The following TWIST2 variants were observed in gnomAD, a reference collection of about 807,000 sequenced individuals.
TWIST2 encodes the protein twist-related protein 2.
In TWIST2, 1 loss-of-function variant was observed where a neutral mutation model predicts 11.6. The ratio of observed to expected loss-of-function variants is 0.09; its 90% CI spans 0.03 to 0.41. The LOEUF (loss-of-function observed/expected upper bound fraction) is 0.41. Among genes scored for constraint, TWIST2 ranks in the 10% least tolerant of loss-of-function variants. The probability of loss-of-function intolerance (pLI) is 0.98; values close to 1 mark genes in which losing one functional copy is unlikely to be tolerated. For synonymous variants in TWIST2, 87 were observed against 96.6 expected (o/e 0.90, Z 0.58); for missense variants, 168 against 226.4 (o/e 0.74, Z 1.66).
chr2:238,897,720 G>A (rs1232928394), intron 1 of TWIST2, among the ~76,000 whole-genome samples: 1 of 152,248 alleles, frequency 6.6e-6, no homozygotes, highest in Non-Finnish European at 1.5e-5. Context: ...AAAAGACAGT[G>A]CACTGGGGAG....
chr2:238,888,764 T>A (rs1391698407), intron 1 of TWIST2, among the ~76,000 whole-genome samples: 1 of 152,210 alleles, frequency 6.6e-6, no homozygotes, highest in Non-Finnish European at 1.5e-5. Flanking sequence ...GATCCCTAGA[T>A]CTTAGCTCTG....
rs1015881370 is a variant in TWIST2 at position 238,864,204 on chromosome 2, G to A, written c.*35+15471G>A. ...GGGGGGAAGGGGCTGGAGGTGAGGG[G>A]GGACCTCTCGGGCTGTGCCGTGGTA... On this transcript the variant is annotated intron_variant, in intron 1 of 1. Transcript: ENST00000612363. This position sits in a 1 kb window ranked among gnomAD's most constrained non-coding sequence, Gnocchi z 4.7. Among the ~76,000 whole-genome samples, 7 of 151,770 alleles carry A rather than the reference G, an allele frequency of 4.6e-5. No individual in the cohort carries two copies. Among genetic ancestry groups the A allele is most frequent in the African/African-American group, 1.7e-4 (7 of 41,322 alleles).
rs1335080130 is a variant in TWIST2, at chr2:238,863,374, A to G, written c.*35+14641A>G. 6.6e-6 allele frequency among the ~76,000 whole-genome samples: 1 copy of G among 152,206 alleles called. No homozygotes were observed. Among genetic ancestry groups the G allele is most frequent in the Non-Finnish European group, 1.5e-5 (1 of 68,040 alleles). ...TTAAAGATGCCCGTCCATCATTTTC[A>G]GAAGAGGCCTTTCGTGTTAGGATAA... On this transcript the variant is annotated intron_variant, in intron 1 of 1. Transcript: ENST00000612363. This position sits in a 1 kb window ranked among gnomAD's most constrained non-coding sequence, Gnocchi z 4.7.
At chr2:238,896,138 T>G (rs1693203891) in intron 1 of TWIST2, among the ~76,000 whole-genome samples, 1 of 151,772 alleles carries the variant, frequency 6.6e-6, no homozygotes, top group Non-Finnish European at 1.5e-5. Context: ...GAGGCATGAG[T>G]CACGGAGGGG....
Position 238,872,248 on chromosome 2 carries a change from A to C in TWIST2, c.*35+23515A>C, listed in dbSNP as rs189812315. 5.7e-3 allele frequency among the ~76,000 whole-genome samples: 870 copies of C among 152,224 alleles called. 10 individuals carry two copies. Among genetic ancestry groups the C allele is most frequent in the African/African-American group, 0.02 (815 of 41,540 alleles). On this transcript the variant is annotated intron_variant, in intron 1 of 1. Coordinates refer to ENST00000612363, the MANE Select transcript of TWIST2 (RefSeq NM_001271893.4). ...CTTGTTGCTCATTTAACCTTAGTCC[A>C]AGTGGGTGGTGTTCCAGGGTGAGAT... is the stretch of plus-strand genomic sequence containing the variant.
At position 238,863,917 on chromosome 2, in the gene TWIST2, T is replaced by TC. The variant is rs36167678; in HGVS notation, c.*35+15187dup. Among the ~76,000 whole-genome samples, 2 of 152,122 alleles carry TC rather than the reference T, an allele frequency of 1.3e-5. No individual in the cohort carries two copies. The highest frequency in any genetic ancestry group is 4.8e-5 in the African/African-American group (2 of 41,412). ...AGGTCTACCCCCTATCCTGGGGGCA[T>TC]CCCTGTGTGCCAGCTTCTCCAGAAC... On this transcript the variant is annotated intron_variant, in intron 1 of 1. Transcript: ENST00000612363. The surrounding 1 kb of genome is among the most constrained non-coding windows in gnomAD (Gnocchi z 4.7).
chr2:238,859,805 G>C (rs1379690246), intron 1 of TWIST2, among the ~76,000 whole-genome samples: 4 of 152,108 alleles, frequency 2.6e-5, no homozygotes, highest in Admixed American at 1.3e-4. Flanking sequence ...ATGCATGCAC[G>C]CACACGTGTG....
At chr2:238,869,326 C>G (rs184597315) in intron 1 of TWIST2, among the ~76,000 whole-genome samples, 1 of 152,132 alleles carries the variant, frequency 6.6e-6, no homozygotes, top group Non-Finnish European at 1.5e-5. Flanking sequence ...ACTTCCAGGG[C>G]ACAGGCAAGG....
intron 1 of TWIST2, among the ~76,000 whole-genome samples, chr2:238,902,015 GA>G (rs1243092524): frequency 2.0e-5 from 3 of 152,140 alleles, no homozygotes; most frequent in Non-Finnish European, 2.9e-5. Context: ...AGGGGCTGAG[GA>G]AAGGCAGGGA....
chr2:238,901,594 C>T (rs1229427983), intron 1 of TWIST2, among the ~76,000 whole-genome samples: 1 of 152,136 alleles, frequency 6.6e-6, no homozygotes, highest in Non-Finnish European at 1.5e-5. Context: ...TGTGCACTCA[C>T]GCCGATGGGA....
At chr2:238,849,823 C>G (rs867121115) in intron 1 of TWIST2, among the ~76,000 whole-genome samples, 1 of 152,206 alleles carries the variant, frequency 6.6e-6, no homozygotes, top group Admixed American at 6.5e-5. Flanking sequence ...TGTGAGCAGG[C>G]GAGCCCCTCT....
chr2:238,877,884 G>A (rs1297478043), intron 1 of TWIST2, among the ~76,000 whole-genome samples: 3 of 152,186 alleles, frequency 2.0e-5, no homozygotes, highest in African/African-American at 7.2e-5. Context: ...GAGAGGTTTT[G>A]TGCTGCCAGG....
chr2:238,860,876 T>TGCAGTGAGCCGACATCGCG (rs1360331781), intron 1 of TWIST2, among the ~76,000 whole-genome samples: 6 of 152,238 alleles, frequency 3.9e-5, no homozygotes, highest in East Asian at 3.9e-4. Context: ...AGGTGGAGGT[T>TGCAGTGAGCCGACATCGCG]GCAGTGAGCC....
rs532669973 is a variant in TWIST2, at chr2:238,881,273, G to A, written c.*36-28569G>A. Among the ~76,000 whole-genome samples the A allele has an allele frequency of 5.6e-3, 792 of 141,828 alleles. 6 individuals carry two copies. Among genetic ancestry groups the A allele is most frequent in the African/African-American group, 0.019 (728 of 38,078 alleles). 93.0% of individuals were successfully genotyped at this position (141,828 alleles called of 152,430 possible). Reference sequence around the variant, plus strand: ...TGTCAGTATTAGTGTATTTATTAGTGTTAGCATTAGTATTAATGTTAGTAT... The same window carrying A: ...TGTCAGTATTAGTGTATTTATTAGTATTAGCATTAGTATTAATGTTAGTAT... On this transcript the variant is annotated intron_variant, in intron 1 of 1. Coordinates refer to ENST00000612363, the MANE Select transcript of TWIST2 (RefSeq NM_001271893.4).
At chr2:238,855,813 T>C (rs1692319473) in intron 1 of TWIST2, among the ~76,000 whole-genome samples, 1 of 152,026 alleles carries the variant, frequency 6.6e-6, no homozygotes, top group African/African-American at 2.4e-5. Context: ...TGAGCAAAGG[T>C]CATCTAGGGG....
chr2:238,882,313 A>C (rs928432061), intron 1 of TWIST2, among the ~76,000 whole-genome samples: 1 of 152,074 alleles, frequency 6.6e-6, no homozygotes, highest in Non-Finnish European at 1.5e-5. Flanking sequence ...GCCTCTTTCC[A>C]GCCCATCCAG....
intron 1 of TWIST2, among the ~76,000 whole-genome samples, chr2:238,884,610 C>T (rs926450305): frequency 6.6e-6 from 1 of 152,224 alleles, no homozygotes; most frequent in Non-Finnish European, 1.5e-5. Flanking sequence ...GGCACCTTCA[C>T]ACCTGCCAGG....
chr2:238,878,626 G>C (rs144371059), intron 1 of TWIST2, among the ~76,000 whole-genome samples: 280 of 152,298 alleles, frequency 1.8e-3, no homozygotes, highest in African/African-American at 6.2e-3. Flanking sequence ...TTTCTGCAGT[G>C]AAGTTGTGCT....
intron 1 of TWIST2, among the ~76,000 whole-genome samples, chr2:238,851,431 A>C (rs888199387): frequency 4.6e-5 from 7 of 152,196 alleles, no homozygotes; most frequent in African/African-American, 1.7e-4. Flanking sequence ...AGGGTCCCAG[A>C]CACCTGGCTT....
Sources: allele counts gnomAD v4.1 joint callset (sites outside exome capture counted in the v4.1 genomes callset), GRCh38; gene constraint gnomAD v4.1.1; non-coding constraint Gnocchi (gnomAD v3.1); transcripts MANE v1.5; gene names NCBI Gene and HGNC (gene_info 2026-07-23, HGNC 2026-07-21).